SLC25A21: variants seen among roughly 807,000 people sequenced by gnomAD.
The protein encoded by SLC25A21 is solute carrier family 25 member 21, also known as mitochondrial 2-oxodicarboxylate carrier.
Under a neutral mutation model 43.8 loss-of-function variants are expected in SLC25A21, and 47 were observed. The ratio of observed to expected loss-of-function variants is 1.07; its 90% CI spans 0.85 to 1.37. The LOEUF is 1.37. Ranked by LOEUF, SLC25A21 falls within the 40% of genes most tolerant of loss-of-function variation. The pLI, the probability that SLC25A21 is intolerant of heterozygous loss-of-function variation, is 0.00. For synonymous variants in SLC25A21, 131 were observed against 121.3 expected (o/e 1.08, Z -0.52); for missense variants, 352 against 350.2 (o/e 1.00, Z -0.04).
In SLC25A21 at chr14:36,886,429, G is replaced by A. The variant is rs556565442; in HGVS notation, c.71-11425C>T. Among the ~76,000 whole-genome samples the A allele has an allele frequency of 1.2e-3, 190 of 152,300 alleles. 1 individual carries two copies. The highest frequency in any genetic ancestry group is 4.2e-3 in the African/African-American group (175 of 41,572). On this transcript the variant is annotated intron_variant, in intron 1 of 9. Coordinates refer to ENST00000331299, the MANE Select transcript of SLC25A21 (RefSeq NM_030631.4). ...ACTTTCACATAAGTTTACCATGTGC[G>A]TATATTTTTTAAACGTAACTAACAC...
At chr14:37,119,190 T>C (rs1963159936) in intron 1 of SLC25A21, among the ~76,000 whole-genome samples, 1 of 152,158 alleles carries the variant, frequency 6.6e-6, no homozygotes, top group South Asian at 2.1e-4. Flanking sequence ...GAAGCCTCAG[T>C]TCCAGGAACT....
chr14:37,074,813 C>T (rs1375252954), intron 1 of SLC25A21, among the ~76,000 whole-genome samples: 1 of 152,036 alleles, frequency 6.6e-6, no homozygotes, highest in African/African-American at 2.4e-5. Context: ...CAGAGTGAGA[C>T]TCTGTCTCAA....
In SLC25A21 at chr14:37,005,701, C is replaced by A. The variant is rs181366592; in HGVS notation, c.71-130697G>T. ...ATGTGTAGATACACACACACACACACGATGTGATTCAAAGTTAAGATTTTT... is the reference window on the plus strand; with the variant it reads ...ATGTGTAGATACACACACACACACAAGATGTGATTCAAAGTTAAGATTTTT... On this transcript the variant is annotated intron_variant, in intron 1 of 9. Coordinates refer to ENST00000331299, the MANE Select transcript of SLC25A21 (RefSeq NM_030631.4). Among the ~76,000 whole-genome samples, 5 of 151,910 alleles carry A rather than the reference C, an allele frequency of 3.3e-5. No individual in the cohort carries two copies. In the East Asian group the frequency reaches 5.8e-4, roughly 18 times the overall value.
intron 1 of SLC25A21, among the ~76,000 whole-genome samples, chr14:37,039,128 G>C (rs563464650): frequency 1.3e-5 from 2 of 152,130 alleles, no homozygotes; most frequent in African/African-American, 2.4e-5. Flanking sequence ...TGAGGGGTGG[G>C]TGCCACTGTC....
chr14:37,076,735 C>T (rs148032455), intron 1 of SLC25A21, among the ~76,000 whole-genome samples: 2,984 of 152,182 alleles, frequency 0.02, 54 homozygotes, highest in Middle Eastern at 0.051. Context: ...CTGCCCACCT[C>T]GGCCTCCCAA....
chr14:37,073,161 C>T (rs1321731802), intron 1 of SLC25A21, among the ~76,000 whole-genome samples: 1 of 152,200 alleles, frequency 6.6e-6, no homozygotes, highest in Admixed American at 6.5e-5. Context: ...AGACACTCCT[C>T]CTATCCTAAG....
Position 36,729,544 on chromosome 14 carries a change from T to C in SLC25A21, c.293A>G (p.Lys98Arg). The C allele has an allele frequency of 6.2e-7, 1 of 1,610,520 alleles. No homozygotes were observed. The highest frequency in any genetic ancestry group is 8.5e-7 in the Non-Finnish European group (1 of 1,178,756). ...AVKFFTFEQY[K>R]KLLGYVSLSP... ...CAGTGACACATATCCCAGCAATTTC[T>C]TGTACTGCTCAAAGGTGAAAAACTG... Residue 98 changes from lysine to arginine, a missense_variant, in exon 5 of 10, where the codon AAG (lysine) becomes AGG (arginine). Coordinates refer to ENST00000331299, the MANE Select transcript of SLC25A21 (RefSeq NM_030631.4).
At chr14:37,063,967 G>A (rs937561731) in intron 1 of SLC25A21, among the ~76,000 whole-genome samples, 7 of 152,134 alleles carry the variant, frequency 4.6e-5, no homozygotes, top group Admixed American at 1.3e-4. Context: ...AAATTTGACT[G>A]GCTTAAGGAA....
chr14:37,144,341 C>T (rs968906955), intron 1 of SLC25A21, among the ~76,000 whole-genome samples: 2 of 152,128 alleles, frequency 1.3e-5, no homozygotes, highest in Non-Finnish European at 2.9e-5. Flanking sequence ...CAATTTAACA[C>T]CTCAGAAGTT....
intron 1 of SLC25A21, chr14:37,098,171 A>G (rs1252805703): frequency 1.3e-5 from 2 of 152,224 alleles, no homozygotes; most frequent in African/African-American, 4.8e-5. Context: ...ACGGAGTAAG[A>G]TTGTTGAGAG....
At chr14:36,729,660 ACCAGCATTTC>A in intron 4 of SLC25A21, 94 bp from the exon 5 acceptor site, 4 of 1,044,260 alleles carry the variant, frequency 3.8e-6, no homozygotes, top group Admixed American at 2.7e-5. Flanking sequence ...CATTATGTTA[ACCAGCATTTC>A]AAAAAATGAT....
At chr14:37,156,480 G>T (rs190944775) in intron 1 of SLC25A21, among the ~76,000 whole-genome samples, 3 of 151,942 alleles carry the variant, frequency 2.0e-5, no homozygotes, top group Non-Finnish European at 2.9e-5. Flanking sequence ...GATACAGAAC[G>T]GCTAAACAGA....
chr14:36,682,156 G>GTC (rs552994810), intron 9 of SLC25A21, among the ~76,000 whole-genome samples: 193 of 148,980 alleles, frequency 1.3e-3, no homozygotes, highest in African/African-American at 4.4e-3. Context: ...TTTTTTTACT[G>GTC]TCTCTCTCTC....
At chr14:37,148,580 T>C (rs1045485766) in intron 1 of SLC25A21, among the ~76,000 whole-genome samples, 15 of 152,216 alleles carry the variant, frequency 9.9e-5, no homozygotes, top group African/African-American at 3.6e-4. Flanking sequence ...CTGCCATATT[T>C]CTATATGGTT....
rs182722102 is a variant in SLC25A21, at chr14:36,806,238, A to G, written c.203+7680T>C. Among the ~76,000 whole-genome samples the G allele has an allele frequency of 1.8e-3, 267 of 152,038 alleles. 1 individual carries two copies. The highest frequency in any genetic ancestry group is 4.7e-4 in the Non-Finnish European group (32 of 67,968). Reference sequence around the variant, plus strand: ...TTTATTTTTACTTTTATTTTATTTTATTTTTAAAAAAAGAGGTGGGTTAAT... The same window carrying G: ...TTTATTTTTACTTTTATTTTATTTTGTTTTTAAAAAAAGAGGTGGGTTAAT... On this transcript the variant is annotated intron_variant, in intron 3 of 9. Coordinates refer to ENST00000331299, the MANE Select transcript of SLC25A21 (RefSeq NM_030631.4).
At chr14:36,908,534 T>C (rs1566730188) in intron 1 of SLC25A21, among the ~76,000 whole-genome samples, 2 of 152,246 alleles carry the variant, frequency 1.3e-5, no homozygotes, top group African/African-American at 4.8e-5. Context: ...TAGAAGTTTC[T>C]TCCATAATGG....
Position 36,679,296 on chromosome 14 carries a change from T to C in SLC25A21, c.*1362A>G, listed in dbSNP as rs1882075342. ...TACAACAGAAGGCTATGTATGTATA[T>C]ACAGTATGTCAAAAGCCTTTTATTT... On this transcript the variant is annotated 3_prime_UTR_variant, in exon 10 of 10. Coordinates refer to ENST00000331299, the MANE Select transcript of SLC25A21 (RefSeq NM_030631.4). 6 of 976,768 alleles carry C rather than the reference T, an allele frequency of 6.1e-6. No homozygotes were observed. The highest frequency in any genetic ancestry group is 3.6e-6 in the Non-Finnish European group (3 of 822,096). The allele number at this position is 976,768 out of a possible 1,614,324, so 60.5% of individuals were successfully genotyped here.
intron 3 of SLC25A21, among the ~76,000 whole-genome samples, chr14:36,784,852 A>C (rs1887191404): frequency 1.3e-5 from 2 of 152,208 alleles, no homozygotes. Context: ...AGGAGAACCC[A>C]GGATTGTGTA....
intron 1 of SLC25A21, among the ~76,000 whole-genome samples, chr14:36,879,559 C>T (rs1173410275): frequency 6.6e-6 from 1 of 152,100 alleles, no homozygotes; most frequent in Non-Finnish European, 1.5e-5. Flanking sequence ...CTACCACAGG[C>T]ACAAAAATGC....
Sources: gnomAD v4.1 joint callset for allele counts (sites outside exome capture counted in the v4.1 genomes callset) on GRCh38, gnomAD v4.1.1 for gene constraint, MANE v1.5 for transcripts, NCBI Gene and HGNC (gene_info 2026-07-23, HGNC 2026-07-21) for gene names.